The following EPHA5 variants were observed in gnomAD, a reference collection of about 807,000 sequenced individuals.
The protein encoded by EPHA5 is ephrin type-A receptor 5.
In EPHA5, 60 loss-of-function variants were observed where a neutral mutation model predicts 105.0. The observed-to-expected ratio is 0.57, with a 90% CI of 0.46 to 0.71. The LOEUF is 0.71. Ranked by LOEUF, EPHA5 falls within the 30% of genes least tolerant of loss-of-function variation. EPHA5 has a pLI of 0.00. For synonymous variants in EPHA5, 513 were observed against 449.1 expected (o/e 1.14, Z -1.80); for missense variants, 1,218 against 1,274.7 (o/e 0.96, Z 0.68).
At chr4:65,358,278 T>C (rs1294654083) in intron 11 of EPHA5, among the ~76,000 whole-genome samples, 1 of 151,514 alleles carries the variant, frequency 6.6e-6, no homozygotes, top group East Asian at 1.9e-4. Context: ...TGATACCACT[T>C]AAGGCTATCA....
chr4:65,563,210 C>T (rs13109923), intron 3 of EPHA5, among the ~76,000 whole-genome samples: 6,563 of 152,066 alleles, frequency 0.043, 199 homozygotes, highest in South Asian at 0.093. Context: ...TTTGGCAGAC[C>T]TGTCCCTTGT....
chr4:65,452,566 G>T (rs1334222861), intron 5 of EPHA5, among the ~76,000 whole-genome samples: 1 of 137,262 alleles, frequency 7.3e-6, no homozygotes, highest in African/African-American at 2.7e-5. Context: ...AAATTAGCTA[G>T]CTCAGCTAAA....
chr4:65,463,533 A>G (rs991027228), intron 5 of EPHA5, among the ~76,000 whole-genome samples: 3 of 152,196 alleles, frequency 2.0e-5, no homozygotes, highest in African/African-American at 4.8e-5. Flanking sequence ...GAATAAACCC[A>G]AAGATATCAA....
chr4:65,582,488 A>G (rs897490559), intron 3 of EPHA5, among the ~76,000 whole-genome samples: 3 of 149,422 alleles, frequency 2.0e-5, no homozygotes, highest in Non-Finnish European at 4.5e-5. Context: ...AAAAAAAAAA[A>G]GAAAATCCAG....
intron 3 of EPHA5, among the ~76,000 whole-genome samples, chr4:65,533,243 T>A (rs1346742818): frequency 2.0e-5 from 3 of 152,150 alleles, no homozygotes; most frequent in Non-Finnish European, 2.9e-5. Context: ...GTTAAAAAAA[T>A]TAATTTAATT....
At chr4:65,641,437 C>T (rs1361690331) in intron 2 of EPHA5, among the ~76,000 whole-genome samples, 1 of 151,964 alleles carries the variant, frequency 6.6e-6, no homozygotes, top group Non-Finnish European at 1.5e-5. Flanking sequence ...GTTCATTACT[C>T]CACAGTTTTT....
intron 1 of EPHA5, among the ~76,000 whole-genome samples, chr4:65,665,840 G>A (rs1051273349): frequency 2.6e-5 from 4 of 152,124 alleles, no homozygotes; most frequent in African/African-American, 7.2e-5. Flanking sequence ...AACTATTCAC[G>A]GTCCCTTGTA....
chr4:65,389,043 C>T (rs1720431660), intron 8 of EPHA5, among the ~76,000 whole-genome samples: 1 of 151,906 alleles, frequency 6.6e-6, no homozygotes, highest in Non-Finnish European at 1.5e-5. Context: ...AGTTTTAGAT[C>T]ATCTTTGGTA....
intron 3 of EPHA5, among the ~76,000 whole-genome samples, chr4:65,584,420 C>A (rs191558162): frequency 6.6e-6 from 1 of 151,774 alleles, no homozygotes; most frequent in Non-Finnish European, 1.5e-5. Flanking sequence ...TTCTCTTGCA[C>A]GAACTTGACG....
At chr4:65,452,581 C>CAAAA (rs34579426) in intron 5 of EPHA5, among the ~76,000 whole-genome samples, 2 of 139,908 alleles carry the variant, frequency 1.4e-5, no homozygotes, top group African/African-American at 5.3e-5. Flanking sequence ...GCTAAAATAC[C>CAAAA]AAAAAAAAAA....
At chr4:65,387,946 T>G (rs1245400168) in intron 8 of EPHA5, among the ~76,000 whole-genome samples, 3 of 100,710 alleles carry the variant, frequency 3.0e-5, no homozygotes, top group African/African-American at 1.2e-4. Flanking sequence ...TAGGTATATC[T>G]CCTAATGCTA....
In EPHA5 at chr4:65,490,475, G is replaced by C. The variant is rs1187298688; in HGVS notation, c.1304C>G (p.Thr435Arg). ...SVMMVDLLAHTNYTFEIEAVN... is the reference protein window; with the variant it reads ...SVMMVDLLAHRNYTFEIEAVN... ...TGCCTCAATCTCAAAGGTATAGTTT[G>C]TGTGAGCGAGTAGATCCACCATCAT... Residue 435 changes from threonine (T) to arginine (R), a missense_variant, in exon 5 of 17, where the codon ACA (threonine) becomes AGA (arginine). By Grantham distance (71) the Thr-to-Arg change is moderately conservative. Around this residue, in one of 3 missense-constraint regions of EPHA5, gnomAD observed 971 missense variants for 1,013.5 expected, o/e 0.96. Coordinates refer to ENST00000613740, the MANE Select transcript of EPHA5 (RefSeq NM_001281766.3). 6.2e-7 allele frequency: 1 copy of C among 1,614,148 alleles called. No homozygotes were observed. The highest frequency in any genetic ancestry group is 8.5e-7 in the Non-Finnish European group (1 of 1,180,026).
At chr4:65,458,612 T>C (rs1727838146) in intron 5 of EPHA5, among the ~76,000 whole-genome samples, 1 of 152,168 alleles carries the variant, frequency 6.6e-6, no homozygotes, top group South Asian at 2.1e-4. Context: ...TTTAACTTTA[T>C]CTTAGAGTTA....
At position 65,557,238 on chromosome 4, in the gene EPHA5, A is replaced by ATATATCCAG. The variant is rs1344635812; in HGVS notation, c.910+44402_910+44403insCTGGATATA. On this transcript the variant is annotated intron_variant, in intron 3 of 16. Transcript: ENST00000613740. ...TTGAACATCATTTATACTGGGATAT[A>ATATATCCAG]TATATATATATATATATATATTCTC... Among the ~76,000 whole-genome samples, 29 of 141,816 alleles carry ATATATCCAG rather than the reference A, an allele frequency of 2.0e-4. 1 individual carries two copies. Among genetic ancestry groups the ATATATCCAG allele is most frequent in the Non-Finnish European group, 1.4e-4 (9 of 65,302 alleles). 93.0% of individuals were successfully genotyped at this position (141,816 alleles called of 152,430 possible). A position where few individuals can be genotyped will look rare whatever the true frequency, so the allele number is the denominator to read the frequency against.
chr4:65,380,559 T>G (rs113500095), intron 8 of EPHA5, among the ~76,000 whole-genome samples: 1 of 151,540 alleles, frequency 6.6e-6, no homozygotes, highest in Non-Finnish European at 1.5e-5. Flanking sequence ...AAACAAGAGA[T>G]CATAGAATTG....
chr4:65,557,232 G>GTATATATATATATATA (rs1738538201), intron 3 of EPHA5, among the ~76,000 whole-genome samples: 1 of 14,422 alleles, frequency 6.9e-5, no homozygotes, highest in South Asian at 2.5e-3. Flanking sequence ...ATTTATACTG[G>GTATATATATATATATA]GATATATATA....
chr4:65,598,507 A>G (rs1743395274), intron 3 of EPHA5, among the ~76,000 whole-genome samples: 1 of 152,192 alleles, frequency 6.6e-6, no homozygotes, highest in Non-Finnish European at 1.5e-5. Context: ...GTTAAGGAGT[A>G]CATGGTCTCC....
chr4:65,398,380 G>A (rs1182551629), intron 8 of EPHA5, among the ~76,000 whole-genome samples: 1 of 152,156 alleles, frequency 6.6e-6, no homozygotes, highest in Non-Finnish European at 1.5e-5. Context: ...GAGTGGCTCA[G>A]CATGGGCCTG....
intron 3 of EPHA5, among the ~76,000 whole-genome samples, chr4:65,573,071 A>G (rs1560714563): frequency 6.6e-6 from 1 of 152,036 alleles, no homozygotes; most frequent in East Asian, 1.9e-4. Flanking sequence ...AGTTATCACG[A>G]TAATTCTGGA....
Sources: allele counts gnomAD v4.1 joint callset (sites outside exome capture counted in the v4.1 genomes callset), GRCh38; gene constraint gnomAD v4.1.1; regional missense constraint gnomAD v4.1.1; transcripts MANE v1.5; gene names NCBI Gene and HGNC (gene_info 2026-07-23, HGNC 2026-07-21).